MAP3K7: variants seen among roughly 807,000 people sequenced by gnomAD.
MAP3K7 encodes TGF-beta activated kinase 1.
MAP3K7 carries 21 observed loss-of-function variants against 84.8 expected under a neutral mutation model. The ratio of observed to expected loss-of-function variants is 0.25; its 90% CI spans 0.18 to 0.36. The LOEUF (loss-of-function observed/expected upper bound fraction) is 0.36. Ranked by LOEUF, MAP3K7 falls within the 10% of genes least tolerant of loss-of-function variation. The pLI is 1.00. For missense variants in MAP3K7, 503 were observed against 747.7 expected (o/e 0.67, Z 3.82); for synonymous variants, 241 against 247.7 (o/e 0.97, Z 0.25).
chr6:90,545,106 AAAT>A (rs1775962873), intron 11 of MAP3K7, among the ~76,000 whole-genome samples: 1 of 151,860 alleles, frequency 6.6e-6, no homozygotes, highest in African/African-American at 2.4e-5. Flanking sequence ...TCCAATGATT[AAAT>A]AATAATTATT....
rs1204627384 is a variant in MAP3K7 at position 90,568,599 on chromosome 6, G to C, written c.256C>G (p.His86Asp). Reference sequence around the variant, plus strand: ...CCATAAAGCTTTACAATATTAGGATGGTTCACACGGGATAACTGCCGAAGC... The same window carrying C: ...CCATAAAGCTTTACAATATTAGGATCGTTCACACGGGATAACTGCCGAAGC... The part of the protein sequence containing the change: ...VELRQLSRVN[H>D]PNIVKLYGAC... Residue 86 changes from histidine (H) to aspartate (D), a missense_variant, in exon 3 of 17, where the codon CAT (histidine) becomes GAT (aspartate). By Grantham distance (81) the His-to-Asp change is moderately conservative. Around this residue, in one of 5 missense-constraint regions of MAP3K7, gnomAD observed 97 missense variants for 270.8 expected, o/e 0.36. Coordinates refer to ENST00000369329, the MANE Select transcript of MAP3K7 (RefSeq NM_145331.3). The C allele has an allele frequency of 6.2e-7, 1 of 1,608,662 alleles. No individual in the cohort carries two copies.
At chr6:90,570,018 C>T (rs1338370512) in intron 2 of MAP3K7, among the ~76,000 whole-genome samples, 1 of 152,006 alleles carries the variant, frequency 6.6e-6, no homozygotes, top group Non-Finnish European at 1.5e-5. Flanking sequence ...GAATTAGTAT[C>T]ACTATTTATT....
At chr6:90,529,465 T>G (rs1362012856) in intron 13 of MAP3K7, among the ~76,000 whole-genome samples, 1 of 152,126 alleles carries the variant, frequency 6.6e-6, no homozygotes, top group Non-Finnish European at 1.5e-5. Flanking sequence ...GAGACTTAGG[T>G]TTCTCATTGA....
chr6:90,547,936 A>C (rs1282473404), intron 10 of MAP3K7, 111 bp downstream of exon 10: 2 of 876,900 alleles, frequency 2.3e-6, no homozygotes, highest in Non-Finnish European at 3.2e-6. Context: ...ATGTTTCAGG[A>C]AGAAAATTCA....
At chr6:90,577,289 AT>A (rs548637296) in intron 1 of MAP3K7, among the ~76,000 whole-genome samples, 2 of 151,786 alleles carry the variant, frequency 1.3e-5, no homozygotes, top group South Asian at 2.1e-4. Context: ...AATGATGCAG[AT>A]TTTTTTTTAA....
intron 2 of MAP3K7, among the ~76,000 whole-genome samples, chr6:90,568,915 G>A (rs145334368): frequency 1.2e-4 from 18 of 152,244 alleles, no homozygotes; most frequent in African/African-American, 3.6e-4. Flanking sequence ...AACAAGGCAC[G>A]ATGAGTATAT....
intron 1 of MAP3K7, among the ~76,000 whole-genome samples, chr6:90,574,173 T>TA (rs1274057520): frequency 2.0e-5 from 3 of 152,228 alleles, no homozygotes; most frequent in Non-Finnish European, 4.4e-5. Flanking sequence ...ACAGGATTCG[T>TA]AAGTTAAAAC....
chr6:90,542,528 C>T (rs1206979143), intron 12 of MAP3K7: 27 of 979,126 alleles, frequency 2.8e-5, no homozygotes, highest in Non-Finnish European at 2.9e-5. Context: ...TTAATGTGAA[C>T]ACTAAGAGAA....
At chr6:90,568,234 A>G (rs1335789745) in intron 3 of MAP3K7, among the ~76,000 whole-genome samples, 1 of 152,138 alleles carries the variant, frequency 6.6e-6, no homozygotes, top group East Asian at 1.9e-4. Flanking sequence ...ATCAAAAACA[A>G]GTAAGTAACT....
At chr6:90,527,568 G>A (rs1775362280) in intron 13 of MAP3K7, among the ~76,000 whole-genome samples, 1 of 152,100 alleles carries the variant, frequency 6.6e-6, no homozygotes, top group Admixed American at 6.5e-5. Flanking sequence ...TGCCCAGTGG[G>A]AAGAGGACTT....
At chr6:90,523,836 A>T (rs1344722869) in intron 13 of MAP3K7, 53 bp from the exon 14 acceptor site, 1 of 1,090,298 alleles carries the variant, frequency 9.2e-7, no homozygotes, top group African/African-American at 1.5e-5. Flanking sequence ...ATTAAAAAAA[A>T]TGACGAGAAC....
At chr6:90,549,257 G>C (rs1046835098) in intron 9 of MAP3K7, among the ~76,000 whole-genome samples, 1 of 152,144 alleles carries the variant, frequency 6.6e-6, no homozygotes, top group East Asian at 1.9e-4. Flanking sequence ...CAGAGAAAGA[G>C]CAAACAAGAT....
chr6:90,564,548 A>G (rs1421638336), intron 3 of MAP3K7, among the ~76,000 whole-genome samples: 1 of 152,234 alleles, frequency 6.6e-6, no homozygotes, highest in Non-Finnish European at 1.5e-5. Flanking sequence ...CACCCAATAC[A>G]GGAGCACCCA....
At position 90,552,400 on chromosome 6, in the gene MAP3K7, A is replaced by C. The variant is rs34562407; in HGVS notation, c.737-221T>G. On this transcript the variant is annotated intron_variant, in intron 7 of 16. Coordinates refer to ENST00000369329, the MANE Select transcript of MAP3K7 (RefSeq NM_145331.3). ...TCAATTATTTACTGACAACTGATAG[A>C]AAGCAAGCAAGCAAGCTGTCCTGGT... 5.5e-3 allele frequency among the ~76,000 whole-genome samples: 832 copies of C among 152,298 alleles called. 5 individuals carry two copies. Among genetic ancestry groups the C allele is most frequent in the Admixed American group, 0.012 (179 of 15,302 alleles).
intron 1 of MAP3K7, among the ~76,000 whole-genome samples, chr6:90,580,093 C>T (rs754506127): frequency 6.6e-6 from 1 of 152,234 alleles, no homozygotes; most frequent in East Asian, 1.9e-4. Flanking sequence ...TAATCAAGAA[C>T]ATAAAATCGT....
Position 90,552,086 on chromosome 6 carries a change from A to G in MAP3K7, c.830T>C (p.Met277Thr). Residue 277 changes from methionine to threonine, a missense_variant, in exon 8 of 17, where the codon ATG (methionine) becomes ACG (threonine). Transcript: ENST00000369329. Reference sequence around the variant, plus strand: ...AGTCATTATTTTCACAATTTCCTCCATTGAAGGGCGCTGGGAAGGATCTTT... The same window carrying G: ...AGTCATTATTTTCACAATTTCCTCCGTTGAAGGGCGCTGGGAAGGATCTTT... ...WSKDPSQRPS[M>T]EEIVKIMTHL... The G allele has an allele frequency of 6.2e-7, 1 of 1,612,416 alleles. No individual in the cohort carries two copies. Among genetic ancestry groups the G allele is most frequent in the Admixed American group, 1.7e-5 (1 of 59,982 alleles).
In MAP3K7 at chr6:90,568,703, T is replaced by C. The variant is rs148862236; in HGVS notation, c.232-80A>G. On this transcript the variant is annotated intron_variant, in intron 2 of 16. Transcript: ENST00000369329. ...TCACAGTATCATTAAAATCTTACTG[T>C]TGTACAAAACATTTGTTTAAATCAT... 6.2e-4 allele frequency: 611 copies of C among 979,388 alleles called. 5 individuals are homozygous for C. In the African/African-American group the frequency reaches 8.9e-3, roughly 14 times the overall value. 60.7% of individuals were successfully genotyped at this position (979,388 alleles called of 1,614,324 possible).
chr6:90,538,174 T>C (rs188711381), intron 12 of MAP3K7, among the ~76,000 whole-genome samples: 1 of 152,016 alleles, frequency 6.6e-6, no homozygotes, highest in Non-Finnish European at 1.5e-5. Context: ...GCAGAAACCA[T>C]CTGGCAGATA....
At chr6:90,561,564 T>C in intron 4 of MAP3K7, 58 bp downstream of exon 4, 2 of 1,313,606 alleles carry the variant, frequency 1.5e-6, no homozygotes, top group East Asian at 2.3e-5. Context: ...AGGGTTTATA[T>C]TAAAATTTTT....
Sources: allele counts gnomAD v4.1 joint callset (sites outside exome capture counted in the v4.1 genomes callset), GRCh38; gene constraint gnomAD v4.1.1; regional missense constraint gnomAD v4.1.1; transcripts MANE v1.5; gene names NCBI Gene and HGNC (gene_info 2026-07-23, HGNC 2026-07-21).